The following DAB1 variants were observed in gnomAD, a reference collection of about 807,000 sequenced individuals.
The protein encoded by DAB1 is DAB adaptor protein 1.
A neutral mutation model predicts 64.6 loss-of-function variants in DAB1; 15 were observed. That is an observed-to-expected ratio of 0.23 (90% CI 0.16 to 0.36). The LOEUF (loss-of-function observed/expected upper bound fraction) is 0.36, where lower values mean the gene tolerates loss of function less well. Among genes scored for constraint, DAB1 ranks in the 10% least tolerant of loss-of-function variants. The probability of loss-of-function intolerance (pLI) is 1.00; values close to 1 mark genes in which losing one functional copy is unlikely to be tolerated. For missense variants in DAB1, 596 were observed against 706.7 expected (o/e 0.84, Z 1.78); for synonymous variants, 235 against 251.9 (o/e 0.93, Z 0.64).
In DAB1 at chr1:57,169,292, C is replaced by T. The variant is rs1661503752; in HGVS notation, c.68-23863G>A. On this transcript the variant is annotated intron_variant, in intron 2 of 14. Coordinates refer to ENST00000371236, the MANE Select transcript of DAB1 (RefSeq NM_001365792.1). ...ACAATCTCTTATTATTATCTTTACT[C>T]ATATTTACAGAACACTTGCAAGGGC... Among the ~76,000 whole-genome samples, 3 of 152,170 alleles carry T rather than the reference C, an allele frequency of 2.0e-5. No homozygotes were observed. In the South Asian group the frequency reaches 6.2e-4, roughly 32 times the overall value.
intron 3 of DAB1, among the ~76,000 whole-genome samples, chr1:58,425,763 C>T (rs1644816379): frequency 6.6e-6 from 1 of 152,002 alleles, no homozygotes; most frequent in South Asian, 2.1e-4. Flanking sequence ...AAAACCTTCT[C>T]AAAGGCCTGG....
At chr1:58,202,912 C>T (rs1046860153) in intron 4 of DAB1, among the ~76,000 whole-genome samples, 41 of 152,282 alleles carry the variant, frequency 2.7e-4, no homozygotes, top group African/African-American at 8.2e-4. Flanking sequence ...ATCACTTAAA[C>T]CAATTGCTTA....
At chr1:57,376,344 G>A (rs1199835181) in intron 1 of DAB1, among the ~76,000 whole-genome samples, 2 of 152,176 alleles carry the variant, frequency 1.3e-5, no homozygotes. Context: ...CACACTGCTG[G>A]GAACTGTCAC....
intron 1 of DAB1, among the ~76,000 whole-genome samples, chr1:57,306,473 T>C (rs1463978244): frequency 6.6e-6 from 1 of 151,878 alleles, no homozygotes; most frequent in Non-Finnish European, 1.5e-5. Context: ...TACCCTGTTT[T>C]GCCAAACACT....
intron 4 of DAB1, among the ~76,000 whole-genome samples, chr1:58,188,341 T>C (rs1383626023): frequency 6.6e-6 from 1 of 152,232 alleles, no homozygotes; most frequent in Non-Finnish European, 1.5e-5. Context: ...TGATAGAGAA[T>C]CGATTTAATA....
At chr1:57,023,427 G>A (rs1646683557) in intron 11 of DAB1, 104 bp downstream of exon 11, 2 of 699,658 alleles carry the variant, frequency 2.9e-6, no homozygotes, top group African/African-American at 1.8e-5. Flanking sequence ...TCACAGGAGA[G>A]AACAGCAGTG....
At chr1:57,963,582 T>C (rs906469201) in intron 5 of DAB1, among the ~76,000 whole-genome samples, 2 of 152,184 alleles carry the variant, frequency 1.3e-5, no homozygotes, top group African/African-American at 4.8e-5. Flanking sequence ...AATGATTTCT[T>C]GTTGTTGAAA....
intron 9 of DAB1, among the ~76,000 whole-genome samples, chr1:57,053,688 A>ATTTTTTTTTT (rs61374333): frequency 1.4e-5 from 1 of 71,402 alleles, no homozygotes; most frequent in Non-Finnish European, 2.6e-5. Context: ...ATATATATAT[A>ATTTTTTTTTT]TTTTTTTTTT....
intron 3 of DAB1, among the ~76,000 whole-genome samples, chr1:58,355,609 C>G (rs1644103166): frequency 6.6e-6 from 1 of 151,966 alleles, no homozygotes; most frequent in African/African-American, 2.4e-5. Context: ...CCTTCCACTC[C>G]TTTCCTGGTA....
intron 7 of DAB1, among the ~76,000 whole-genome samples, chr1:57,507,193 T>A (rs1644354218): frequency 6.6e-6 from 1 of 152,186 alleles, no homozygotes; most frequent in African/African-American, 2.4e-5. Context: ...TCCAGACTTA[T>A]CACCTATTAC....
chr1:58,406,609 G>A (rs1165618366), intron 3 of DAB1, among the ~76,000 whole-genome samples: 1 of 152,196 alleles, frequency 6.6e-6, no homozygotes, highest in African/African-American at 2.4e-5. Flanking sequence ...TTGGCCCAGG[G>A]CTCTTCAGGA....
chr1:57,433,851 C>CAA (rs59390528), intron 7 of DAB1, among the ~76,000 whole-genome samples: 10 of 108,812 alleles, frequency 9.2e-5, no homozygotes, highest in South Asian at 5.9e-4. Context: ...GACAGCTCAC[C>CAA]AAAAAAAAAA....
intron 4 of DAB1, among the ~76,000 whole-genome samples, chr1:58,164,152 C>T (rs1011373845): frequency 2.0e-5 from 3 of 148,616 alleles, no homozygotes; most frequent in Non-Finnish European, 3.0e-5. Flanking sequence ...CAGATTTAGC[C>T]CATGAAAGCT....
At chr1:57,150,554 T>C (rs1324102279) in intron 2 of DAB1, among the ~76,000 whole-genome samples, 1 of 152,190 alleles carries the variant, frequency 6.6e-6, no homozygotes, top group Non-Finnish European at 1.5e-5. Flanking sequence ...AGGCGTCATA[T>C]ACAATTTCTC....
intron 5 of DAB1, among the ~76,000 whole-genome samples, chr1:58,036,968 G>A (rs773726885): frequency 2.0e-5 from 3 of 152,164 alleles, no homozygotes; most frequent in Admixed American, 6.5e-5. Context: ...CTAGTCAATG[G>A]AATATGATTC....
chr1:58,012,381 C>A (rs1646680942), intron 5 of DAB1, among the ~76,000 whole-genome samples: 1 of 152,138 alleles, frequency 6.6e-6, no homozygotes. Context: ...GTCTCTGACA[C>A]CCCTGTGGCC....
intron 5 of DAB1, among the ~76,000 whole-genome samples, chr1:58,059,368 TAAG>T (rs1233020526): frequency 3.3e-5 from 5 of 152,226 alleles, no homozygotes; most frequent in Non-Finnish European, 5.9e-5. Flanking sequence ...TGTTACTACT[TAAG>T]AAGGTTGTTG....
At chr1:58,536,342 T>C (rs372968293) in intron 1 of DAB1, among the ~76,000 whole-genome samples, 77 of 152,146 alleles carry the variant, frequency 5.1e-4, no homozygotes, top group African/African-American at 1.8e-3. Flanking sequence ...AAAAGCAATG[T>C]AGGCAGTAGG....
chr1:57,668,139 T>C (rs1301732536), intron 6 of DAB1, among the ~76,000 whole-genome samples: 1 of 152,140 alleles, frequency 6.6e-6, no homozygotes, highest in Non-Finnish European at 1.5e-5. Context: ...TAGCGTTCAA[T>C]ATTGTGTCAC....
Sources: allele counts gnomAD v4.1 joint callset (sites outside exome capture counted in the v4.1 genomes callset), GRCh38; gene constraint gnomAD v4.1.1; transcripts MANE v1.5; gene names NCBI Gene and HGNC (gene_info 2026-07-23, HGNC 2026-07-21).